CDC73: variants seen among roughly 807,000 people sequenced by gnomAD.
CDC73 encodes cell division cycle 73, also known as parafibromin.
In CDC73, 21 loss-of-function variants were observed where a neutral mutation model predicts 83.7. The ratio of observed to expected loss-of-function variants is 0.25; its 90% CI spans 0.18 to 0.36. The LOEUF (loss-of-function observed/expected upper bound fraction) is 0.36. Among genes scored for constraint, CDC73 ranks in the 10% least tolerant of loss-of-function variants. The probability of loss-of-function intolerance (pLI) is 1.00; values close to 1 mark genes in which losing one functional copy is unlikely to be tolerated. For missense variants in CDC73, 342 were observed against 653.3 expected, an observed-to-expected ratio of 0.52 and a Z score of 5.19; for synonymous variants, 224 against 212.9, an observed-to-expected ratio of 1.05 and a Z score of -0.45.
intron 5 of CDC73, among the ~76,000 whole-genome samples, chr1:193,137,306 A>C (rs1261919865): frequency 6.6e-6 from 1 of 152,220 alleles, no homozygotes; most frequent in African/African-American, 2.4e-5. Flanking sequence ...ATAATAGGAC[A>C]TGAATTGGAG....
chr1:193,128,222 TAGAAAC>T (rs915252501), intron 2 of CDC73: 14 of 152,230 alleles, frequency 9.2e-5, no homozygotes, highest in African/African-American at 3.4e-4. Flanking sequence ...TTATTAGACT[TAGAAAC>T]AGTAACTTAA....
intron 13 of CDC73, among the ~76,000 whole-genome samples, chr1:193,223,268 G>A (rs747628939): frequency 6.6e-6 from 1 of 150,576 alleles, no homozygotes; most frequent in Non-Finnish European, 1.5e-5. Context: ...CCAATTTACT[G>A]TTCATTTTCC....
chr1:193,229,711 T>C (rs1024227322), intron 13 of CDC73, among the ~76,000 whole-genome samples: 2 of 152,232 alleles, frequency 1.3e-5, no homozygotes, highest in African/African-American at 4.8e-5. Flanking sequence ...TACAATAGAA[T>C]TCTACTTAAC....
At chr1:193,181,317 A>G (rs1676711669) in intron 10 of CDC73, 4 of 1,614,040 alleles carry the variant, frequency 2.5e-6, no homozygotes, top group Admixed American at 1.7e-5. Flanking sequence ...TTTCTTTCCA[A>G]ATGTTCCGAA....
At chr1:193,179,586 A>G (rs1379540753) in intron 10 of CDC73, 1 of 152,632 alleles carries the variant, frequency 6.6e-6, no homozygotes, top group Non-Finnish European at 1.5e-5. Flanking sequence ...TGAAACATTT[A>G]ATAACTATAA....
rs1340241223 is a variant in CDC73 at position 193,253,268 on chromosome 1, A to AT, written c.*2564dup. On this transcript the variant is annotated 3_prime_UTR_variant, in exon 17 of 17. Coordinates refer to ENST00000367435, the MANE Select transcript of CDC73 (RefSeq NM_024529.5). ...TTTGAGACAAGACCTGGTCATCAGT[A>AT]TTTTTTTTAAAGTTCTCCAGGTAAT... 5 of 232,144 alleles carry AT rather than the reference A, an allele frequency of 2.2e-5. No individual in the cohort carries two copies. Among genetic ancestry groups the AT allele is most frequent in the East Asian group, 1.2e-4 (2 of 16,440 alleles). 14.4% of individuals were successfully genotyped at this position (232,144 alleles called of 1,614,324 possible).
At chr1:193,239,470 G>A (rs1367591419) in intron 15 of CDC73, among the ~76,000 whole-genome samples, 1 of 151,998 alleles carries the variant, frequency 6.6e-6, no homozygotes, top group Admixed American at 6.6e-5. Flanking sequence ...TTTGAGAGAA[G>A]ATTAAATACT....
In CDC73 at chr1:193,196,878, C is replaced by T. The variant is rs536186125; in HGVS notation, c.973-6917C>T. Among the ~76,000 whole-genome samples, 5 of 152,230 alleles carry T rather than the reference C, an allele frequency of 3.3e-5. No individual in the cohort carries two copies. The East Asian group carries it at 5.8e-4, about 18-fold the overall frequency. On this transcript the variant is annotated intron_variant, in intron 10 of 16. Transcript: ENST00000367435. The stretch of plus-strand genomic sequence containing the variant: ...TTTCTAGGTTATTTAACATACAAAT[C>T]TTGTCATCTGCAAACATATTTTACC...
chr1:193,177,881 T>C (rs1234814048), intron 10 of CDC73, among the ~76,000 whole-genome samples: 1 of 152,232 alleles, frequency 6.6e-6, no homozygotes, highest in Non-Finnish European at 1.5e-5. Flanking sequence ...ACTTATATAC[T>C]TGATCAAAAT....
chr1:193,238,422 C>G (rs1677801152), intron 15 of CDC73, among the ~76,000 whole-genome samples: 2 of 152,218 alleles, frequency 1.3e-5, no homozygotes, highest in Non-Finnish European at 1.5e-5. Flanking sequence ...GCTGTTTTCA[C>G]TGAAGTCACC....
chr1:193,122,413 C>T (rs1675469499), intron 1 of CDC73, 82 bp downstream of exon 1: 4 of 1,569,558 alleles, frequency 2.5e-6, no homozygotes, highest in African/African-American at 2.7e-5. Context: ...ACCCCTCCCC[C>T]CGTTTCCCCT....
At chr1:193,163,511 C>A (rs1198358471) in intron 10 of CDC73, among the ~76,000 whole-genome samples, 1 of 150,974 alleles carries the variant, frequency 6.6e-6, no homozygotes, top group Non-Finnish European at 1.5e-5. Flanking sequence ...TGCCCGCCCC[C>A]CAAAAAAAGA....
intron 13 of CDC73, among the ~76,000 whole-genome samples, chr1:193,213,681 A>T (rs778627018): frequency 6.6e-6 from 1 of 152,194 alleles, no homozygotes. Context: ...GTTGTGTTAC[A>T]TACATACCTG....
At position 193,251,292 on chromosome 1, in the gene CDC73, A is replaced by T. The variant is rs191600804; in HGVS notation, c.*580A>T. The T allele has an allele frequency of 0.011, 2,479 of 231,992 alleles. 42 individuals are homozygous for T. Among genetic ancestry groups the T allele is most frequent in the Non-Finnish European group, 0.013 (1,520 of 116,962 alleles). 14.4% of individuals were successfully genotyped at this position (231,992 alleles called of 1,614,324 possible). ...TGTTCAGCCTTTTCAAGATTTCTTT[A>T]TTTACAAATGATTACATTTAAATGA... On this transcript the variant is annotated 3_prime_UTR_variant, in exon 17 of 17. Transcript: ENST00000367435.
At position 193,157,665 on chromosome 1, in the gene CDC73, C is replaced by T. The variant is rs933958910; in HGVS notation, c.972+5221C>T. ...CATTACTCTGTTATCTTTTATTTAG[C>T]CTTCTTTACTTATTTCTGCTACATC... On this transcript the variant is annotated intron_variant, in intron 10 of 16. Transcript: ENST00000367435. Among the ~76,000 whole-genome samples the T allele has an allele frequency of 9.9e-5, 15 of 152,270 alleles. 1 individual carries two copies. In the East Asian group the frequency reaches 2.9e-3, roughly 29 times the overall value.
At chr1:193,174,656 C>T (rs1022593218) in intron 10 of CDC73, among the ~76,000 whole-genome samples, 1 of 152,180 alleles carries the variant, frequency 6.6e-6, no homozygotes, top group East Asian at 1.9e-4. Context: ...TACATTGTTC[C>T]TGGCGAATCA....
At chr1:193,129,243 G>A (rs1572145886) in intron 2 of CDC73, among the ~76,000 whole-genome samples, 2 of 151,750 alleles carry the variant, frequency 1.3e-5, no homozygotes, top group Middle Eastern at 3.4e-3. Flanking sequence ...TGATCCACCC[G>A]TCTCGACCTC....
At chr1:193,165,588 G>A (rs1676422613) in intron 10 of CDC73, among the ~76,000 whole-genome samples, 1 of 152,190 alleles carries the variant, frequency 6.6e-6, no homozygotes, top group Admixed American at 6.5e-5. Context: ...ATAATTGGTG[G>A]ATTGTGTAAA....
rs563364127 is a variant in CDC73, at chr1:193,165,190, A to G, written c.972+12746A>G. 5.3e-5 allele frequency among the ~76,000 whole-genome samples: 8 copies of G among 152,318 alleles called. No homozygotes were observed. The East Asian group carries it at 1.5e-3, about 29-fold the overall frequency. ...TGCCACTTTCCTCAGCATGGAAATC[A>G]CTTTCTCTACCTTTCACTTATTACA... is the stretch of plus-strand genomic sequence containing the variant. On this transcript the variant is annotated intron_variant, in intron 10 of 16. Coordinates refer to ENST00000367435, the MANE Select transcript of CDC73 (RefSeq NM_024529.5).
Sources: gnomAD v4.1 joint callset for allele counts (sites outside exome capture counted in the v4.1 genomes callset) on GRCh38, gnomAD v4.1.1 for gene constraint, MANE v1.5 for transcripts, NCBI Gene and HGNC (gene_info 2026-07-23, HGNC 2026-07-21) for gene names.